The following ANKRD45 variants were observed in gnomAD, a reference collection of about 807,000 sequenced individuals.
The protein encoded by ANKRD45 is ankyrin repeat domain 45.
A neutral mutation model predicts 28.1 loss-of-function variants in ANKRD45; 21 were observed. That is an observed-to-expected ratio of 0.75 (90% CI 0.53 to 1.08). The LOEUF is 1.08. ANKRD45 is among the 50% of genes least tolerant of loss of function. The pLI, the probability that ANKRD45 is intolerant of heterozygous loss-of-function variation, is 0.00. For synonymous variants in ANKRD45, 86 were observed against 103.9 expected, an observed-to-expected ratio of 0.83 and a Z score of 1.05; for missense variants, 261 against 308.7, an observed-to-expected ratio of 0.85 and a Z score of 1.16.
intron 5 of ANKRD45, among the ~76,000 whole-genome samples, chr1:173,611,377 G>C (rs956339764): frequency 6.6e-6 from 1 of 152,152 alleles, no homozygotes; most frequent in South Asian, 2.1e-4. Flanking sequence ...AGAGTGCTAT[G>C]TGTGTGCTCA....
intron 5 of ANKRD45, among the ~76,000 whole-genome samples, chr1:173,615,628 A>C (rs1251961304): frequency 6.6e-5 from 10 of 152,296 alleles, no homozygotes. Context: ...AGATGTGGAG[A>C]AATTTGAATC....
the ANKRD45 span, among the ~76,000 whole-genome samples, chr1:173,678,873 T>A: frequency 1.3e-5 from 2 of 152,156 alleles, no homozygotes; most frequent in Admixed American, 1.3e-4. Flanking sequence ...GGATACAAAG[T>A]CAATGTGCAA....
In ANKRD45 at chr1:173,663,070, C is replaced by CAT. The variant is rs1669855525; in HGVS notation, c.-15-3638_-15-3637insAT. On this transcript the variant is annotated intron_variant, in intron 1 of 5. Coordinates refer to ENST00000333279, the MANE Select transcript of ANKRD45 (RefSeq NM_198493.3). Reference sequence around the variant, plus strand: ...CACCCTTCCAACACACACACACACACACACACACACACACACACACACCTT... The same window carrying CAT: ...CACCCTTCCAACACACACACACACACATACACACACACACACACACACACCTT... 4.6e-5 allele frequency among the ~76,000 whole-genome samples: 7 copies of CAT among 151,508 alleles called. No homozygotes were observed. The South Asian group carries it at 1.5e-3, about 32-fold the overall frequency.
At chr1:173,682,720 C>CACACACAT in the ANKRD45 span, among the ~76,000 whole-genome samples, 1 of 150,682 alleles carries the variant, frequency 6.6e-6, no homozygotes. Context: ...CACACACACA[C>CACACACAT]ACATCTTGGA....
intron 1 of ANKRD45, among the ~76,000 whole-genome samples, chr1:173,661,207 G>A (rs1479472372): frequency 6.6e-6 from 1 of 152,168 alleles, no homozygotes; most frequent in Non-Finnish European, 1.5e-5. Context: ...GTGAAGGGTA[G>A]TGGGAGAAGA....
In ANKRD45 at chr1:173,668,087, C is replaced by T. The variant is rs1020763859; in HGVS notation, c.-16+1730G>A. Among the ~76,000 whole-genome samples the T allele has an allele frequency of 4.6e-5, 7 of 152,108 alleles. No homozygotes were observed. The East Asian group carries it at 1.3e-3, about 29-fold the overall frequency. On this transcript the variant is annotated intron_variant, in intron 1 of 5. Transcript: ENST00000333279. The stretch of plus-strand genomic sequence containing the variant: ...TCCTCAGTTTAATTTCTAATTCTTA[C>T]AACATATGTAATACTATATTAAAAG...
At chr1:173,693,870 A>G in the ANKRD45 span, among the ~76,000 whole-genome samples, 1 of 152,230 alleles carries the variant, frequency 6.6e-6, no homozygotes, top group East Asian at 1.9e-4. Context: ...CTCACAGTCC[A>G]CTGCCCATCA....
intron 2 of ANKRD45, among the ~76,000 whole-genome samples, chr1:173,648,903 A>G (rs1195753484): frequency 6.6e-6 from 1 of 152,194 alleles, no homozygotes; most frequent in Non-Finnish European, 1.5e-5. Flanking sequence ...GAAAGGTTAT[A>G]TAATTTGCCC....
chr1:173,661,341 G>C (rs554899536), intron 1 of ANKRD45, among the ~76,000 whole-genome samples: 1 of 152,284 alleles, frequency 6.6e-6, no homozygotes, highest in East Asian at 1.9e-4. Context: ...ATTCCAGATG[G>C]AATAACTAAG....
At chr1:173,671,231 C>T (rs1252953993), upstream of ANKRD45, among the ~76,000 whole-genome samples, 2 of 152,004 alleles carry the variant, frequency 1.3e-5, no homozygotes, top group East Asian at 1.9e-4. Flanking sequence ...TCACTCTTCC[C>T]AGATGTCTGT....
chr1:173,657,000 A>G (rs1571768206), intron 2 of ANKRD45, among the ~76,000 whole-genome samples: 1 of 145,756 alleles, frequency 6.9e-6, no homozygotes, highest in Non-Finnish European at 1.5e-5. Flanking sequence ...CTTGTCTCAA[A>G]CTCCTGGGCT....
At chr1:173,635,171 AAACAACAACAC>A (rs1368927082) in intron 3 of ANKRD45, among the ~76,000 whole-genome samples, 1 of 152,052 alleles carries the variant, frequency 6.6e-6, no homozygotes, top group Non-Finnish European at 1.5e-5. Flanking sequence ...CATTCTGGCA[AAACAACAACAC>A]AACAACAACA....
At chr1:173,636,784 C>T in intron 3 of ANKRD45, 1 of 1,375,766 alleles carries the variant, frequency 7.3e-7, no homozygotes, top group Non-Finnish European at 9.9e-7. Flanking sequence ...TTGAACTCTA[C>T]TGTTTTATGT....
chr1:173,691,211 T>G, the ANKRD45 span, among the ~76,000 whole-genome samples: 3 of 152,214 alleles, frequency 2.0e-5, no homozygotes, highest in African/African-American at 7.2e-5. Flanking sequence ...GAGGATCCTT[T>G]AAGCTAGGTT....
At chr1:173,623,797 A>G (rs1191635700) in intron 5 of ANKRD45, among the ~76,000 whole-genome samples, 1 of 152,192 alleles carries the variant, frequency 6.6e-6, no homozygotes, top group Non-Finnish European at 1.5e-5. Context: ...GAACGAGACC[A>G]TGTCCATTTA....
chr1:173,656,184 G>A (rs909860584), intron 2 of ANKRD45, among the ~76,000 whole-genome samples: 11 of 152,310 alleles, frequency 7.2e-5, no homozygotes, highest in African/African-American at 1.9e-4. Flanking sequence ...CGTCTTCTGC[G>A]TCGATCATGC....
chr1:173,643,914 C>T (rs556369406), intron 3 of ANKRD45, among the ~76,000 whole-genome samples: 160 of 152,252 alleles, frequency 1.1e-3, no homozygotes, highest in Non-Finnish European at 1.9e-3. Flanking sequence ...TATTTTGTTC[C>T]ACTTTCCAGA....
chr1:173,649,319 AC>A (rs1284372889), intron 2 of ANKRD45, among the ~76,000 whole-genome samples: 1 of 152,052 alleles, frequency 6.6e-6, no homozygotes, highest in African/African-American at 2.4e-5. Flanking sequence ...ACCAATTTAT[AC>A]TCCCTCCTCA....
At chr1:173,613,903 CT>C (rs1483863880) in intron 5 of ANKRD45, among the ~76,000 whole-genome samples, 1 of 152,206 alleles carries the variant, frequency 6.6e-6, no homozygotes, top group East Asian at 1.9e-4. Flanking sequence ...ACATGGGAGA[CT>C]TTTCATTTTG....
Sources: gnomAD v4.1 joint callset for allele counts (sites outside exome capture counted in the v4.1 genomes callset) on GRCh38, gnomAD v4.1.1 for gene constraint, MANE v1.5 for transcripts, NCBI Gene and HGNC (gene_info 2026-07-23, HGNC 2026-07-21) for gene names.